The following C13orf46 variants were observed in gnomAD, a reference collection of about 807,000 sequenced individuals.
C13orf46 encodes chromosome 13 open reading frame 46.
the C13orf46 span, among the ~76,000 whole-genome samples, chr13:113,943,597 A>G: frequency 2.0e-5 from 3 of 152,224 alleles, no homozygotes; most frequent in Non-Finnish European, 4.4e-5. Flanking sequence ...CTGGAAAGGT[A>G]GAACGAGGCA....
the C13orf46 span, among the ~76,000 whole-genome samples, chr13:113,945,501 C>T: frequency 5.3e-5 from 8 of 149,554 alleles, 1 homozygote; most frequent in South Asian, 8.5e-4. Flanking sequence ...GCCGAGACTG[C>T]GCCACTGCAC....
intron 6 of C13orf46, among the ~76,000 whole-genome samples, chr13:113,964,502 G>C (rs997934527): frequency 6.6e-6 from 1 of 152,194 alleles, no homozygotes; most frequent in African/African-American, 2.4e-5. Context: ...TGTGACACCA[G>C]CCGTGTATGC....
chr13:113,927,717 T>C, the C13orf46 span: 2 of 398,062 alleles, frequency 5.0e-6, no homozygotes, highest in Non-Finnish European at 8.9e-6. Context: ...TTCACCAGCG[T>C]TTCCAGCTCC....
downstream of C13orf46, among the ~76,000 whole-genome samples, chr13:113,951,490 G>C (rs1278777162): frequency 6.6e-6 from 1 of 152,160 alleles, no homozygotes; most frequent in African/African-American, 2.4e-5. Flanking sequence ...GCCACCAACA[G>C]CACTGCCCAC....
chr13:113,952,090 G>A (rs1012934100), downstream of C13orf46, among the ~76,000 whole-genome samples: 11 of 152,318 alleles, frequency 7.2e-5, no homozygotes, highest in African/African-American at 1.2e-4. Context: ...ACTGAGACTC[G>A]CCCTTTCCCA....
the C13orf46 span, chr13:113,928,880 A>T: frequency 6.6e-6 from 1 of 152,308 alleles, no homozygotes; most frequent in Non-Finnish European, 1.5e-5. Flanking sequence ...CCAGCAGGAG[A>T]AAGGGCAGCC....
At chr13:113,926,689 TGCACAACGTCGTGAATCCA>T in the C13orf46 span, 3 of 152,206 alleles carry the variant, frequency 2.0e-5, no homozygotes, top group African/African-American at 7.2e-5. Flanking sequence ...AAGCAGAGGT[TGCACAACGTCGTGAATCCA>T]GCAAATGCCG....
Position 113,972,276 on chromosome 13 carries a change from G to A in C13orf46, c.190+1532C>T, listed in dbSNP as rs191849590. Among the ~76,000 whole-genome samples the A allele has an allele frequency of 5.4e-4, 83 of 152,324 alleles. 1 individual carries two copies. Among genetic ancestry groups the A allele is most frequent in the Non-Finnish European group, 9.3e-4 (63 of 68,022 alleles). ...ACTTTGCACGTCTTGAGGGAACCCC[G>A]TGGGGAGGGAGGTAGGGTGCAGCCT... On this transcript the variant is annotated intron_variant, in intron 1 of 6. Coordinates refer to ENST00000636427, the MANE Select transcript of C13orf46 (RefSeq NM_001365455.2).
Position 113,955,065 on chromosome 13 carries a change from G to A in C13orf46, c.*1708C>T. The stretch of plus-strand genomic sequence containing the variant: ...TGGCGGAGAGGAGGAGCATCCGGCG[G>A]GGATGAGGAGCATCCAGTGGGGATG... On this transcript the variant is annotated 3_prime_UTR_variant, in exon 7 of 7. Transcript: ENST00000636427. 5.0e-6 allele frequency: 1 copy of A among 201,258 alleles called. No homozygotes were observed. The allele number at this position is 201,258 out of a possible 1,614,324, so 12.5% of individuals were successfully genotyped here.
At chr13:113,948,723 A>G (rs1247133369), downstream of C13orf46, among the ~76,000 whole-genome samples, 1 of 152,216 alleles carries the variant, frequency 6.6e-6, no homozygotes, top group Non-Finnish European at 1.5e-5. Context: ...TTTGAATCTC[A>G]GTGTGCATGA....
At chr13:113,941,857 C>A in the C13orf46 span, among the ~76,000 whole-genome samples, 1 of 152,250 alleles carries the variant, frequency 6.6e-6, no homozygotes. Context: ...GTCCTCTGAG[C>A]AGTTCCTGCC....
Position 113,966,791 on chromosome 13 carries a change from G to GTGA in C13orf46, c.504+547_504+549dup, listed in dbSNP as rs1283173096. On this transcript the variant is annotated intron_variant, in intron 5 of 6. Coordinates refer to ENST00000636427, the MANE Select transcript of C13orf46 (RefSeq NM_001365455.2). ...GTTGATGCTGAGGATAGTAATGGTG[G>GTGA]TGATGATGATGATGATACCCCATGA... Among the ~76,000 whole-genome samples the GTGA allele has an allele frequency of 4.6e-5, 7 of 152,052 alleles. No homozygotes were observed. In the South Asian group the frequency reaches 1.5e-3, roughly 32 times the overall value.
At chr13:113,951,836 A>G (rs2052490027), downstream of C13orf46, among the ~76,000 whole-genome samples, 1 of 152,222 alleles carries the variant, frequency 6.6e-6, no homozygotes, top group East Asian at 1.9e-4. Context: ...GGGCTCCAAG[A>G]GGCTGGGGAC....
chr13:113,963,281 C>T (rs1287869315), intron 6 of C13orf46, among the ~76,000 whole-genome samples: 33 of 115,714 alleles, frequency 2.9e-4, no homozygotes, highest in East Asian at 9.5e-4. Flanking sequence ...TCCTCAGCCT[C>T]GGCCCCTGTC....
the C13orf46 span, chr13:113,927,523 G>A: frequency 2.5e-6 from 1 of 398,782 alleles, no homozygotes; most frequent in Non-Finnish European, 4.4e-6. Context: ...ATGCTTGGAA[G>A]GTAGGGTCAG....
downstream of C13orf46, among the ~76,000 whole-genome samples, chr13:113,951,761 C>CT (rs1477014032): frequency 6.6e-6 from 1 of 152,222 alleles, no homozygotes; most frequent in Non-Finnish European, 1.5e-5. Context: ...AAGTGGTTGC[C>CT]TTTTTTGCGA....
At chr13:113,939,784 G>A in the C13orf46 span, among the ~76,000 whole-genome samples, 7 of 152,294 alleles carry the variant, frequency 4.6e-5, no homozygotes, top group South Asian at 6.2e-4. Flanking sequence ...TGGGCCCAGC[G>A]CCATCTCATG....
At chr13:113,947,731 C>T in the C13orf46 span, among the ~76,000 whole-genome samples, 3 of 152,128 alleles carry the variant, frequency 2.0e-5, no homozygotes, top group African/African-American at 4.8e-5. Context: ...AAGCAGGTCC[C>T]GGACACACAG....
chr13:113,952,347 G>A (rs1015649053), downstream of C13orf46, among the ~76,000 whole-genome samples: 15 of 116,272 alleles, frequency 1.3e-4, no homozygotes, highest in African/African-American at 4.1e-4. Context: ...TGTGGCCGCC[G>A]CTCCCGCCTG....
Sources: gnomAD v4.1 joint callset for allele counts (sites outside exome capture counted in the v4.1 genomes callset) on GRCh38, gnomAD v4.1.1 for gene constraint, MANE v1.5 for transcripts, NCBI Gene and HGNC (gene_info 2026-07-23, HGNC 2026-07-21) for gene names.